The following GRIK2 variants were observed in gnomAD, a reference collection of about 807,000 sequenced individuals.
The protein encoded by GRIK2 is glutamate receptor ionotropic, kainate 2.
GRIK2 carries 32 observed loss-of-function variants against 100.3 expected under a neutral mutation model. The observed-to-expected ratio is 0.32, with a 90% CI of 0.24 to 0.43. The LOEUF (loss-of-function observed/expected upper bound fraction) is 0.43, where lower values mean the gene tolerates loss of function less well. GRIK2 is among the 20% of genes least tolerant of loss of function. The pLI, the probability that GRIK2 is intolerant of heterozygous loss-of-function variation, is 1.00. For synonymous variants in GRIK2, 417 were observed against 389.4 expected (o/e 1.07, Z -0.83); for missense variants, 843 against 1,114.9 (o/e 0.76, Z 3.47).
Position 101,503,917 on chromosome 6 carries a change from A to G in GRIK2, c.115+104525A>G, listed in dbSNP as rs78470034. On this transcript the variant is annotated intron_variant, in intron 2 of 16. Coordinates refer to ENST00000369134, the MANE Select transcript of GRIK2 (RefSeq NM_021956.5). ...AGACAAGGTAGGCTTATCTAGAAAT[A>G]CTATGTAGAGACTATCTGGAAGGTT... Among the ~76,000 whole-genome samples the G allele has an allele frequency of 2.5e-3, 388 of 152,284 alleles. 1 individual carries two copies. The highest frequency in any genetic ancestry group is 9.0e-3 in the African/African-American group (376 of 41,566).
chr6:101,922,575 T>C (rs1789625538), intron 12 of GRIK2, among the ~76,000 whole-genome samples: 1 of 152,212 alleles, frequency 6.6e-6, no homozygotes, highest in South Asian at 2.1e-4. Context: ...TTACTTGCTA[T>C]TATTGTGTCA....
intron 9 of GRIK2, among the ~76,000 whole-genome samples, chr6:101,805,645 A>C (rs1780954536): frequency 6.6e-6 from 1 of 151,990 alleles, no homozygotes; most frequent in South Asian, 2.1e-4. Flanking sequence ...TGCCCTCATG[A>C]AGGTTATAAT....
chr6:101,559,789 C>G (rs899791197), intron 2 of GRIK2, among the ~76,000 whole-genome samples: 1 of 152,078 alleles, frequency 6.6e-6, no homozygotes, highest in African/African-American at 2.4e-5. Context: ...CACCCCCACA[C>G]ATCCATATGC....
intron 2 of GRIK2, among the ~76,000 whole-genome samples, chr6:101,467,000 A>G (rs757071894): frequency 6.6e-6 from 1 of 152,192 alleles, no homozygotes; most frequent in Non-Finnish European, 1.5e-5. Flanking sequence ...GCTAATATAC[A>G]TGATAGTAGC....
At chr6:101,792,384 C>G (rs963277521) in intron 7 of GRIK2, among the ~76,000 whole-genome samples, 2 of 151,898 alleles carry the variant, frequency 1.3e-5, no homozygotes, top group African/African-American at 4.8e-5. Context: ...CCTTCAGGAG[C>G]TCTTTTAGAG....
At chr6:101,788,315 C>T (rs1162132158) in intron 7 of GRIK2, among the ~76,000 whole-genome samples, 3 of 151,856 alleles carry the variant, frequency 2.0e-5, no homozygotes, top group Non-Finnish European at 2.9e-5. Context: ...CCCATTAACT[C>T]GTCATTTAGC....
intron 2 of GRIK2, among the ~76,000 whole-genome samples, chr6:101,535,339 A>G (rs1400492916): frequency 1.3e-5 from 2 of 151,750 alleles, no homozygotes; most frequent in Admixed American, 1.3e-4. Context: ...GTACTTGTCA[A>G]CTAACAGAAT....
intron 7 of GRIK2, among the ~76,000 whole-genome samples, chr6:101,689,553 TTCTC>T (rs1428515680): frequency 6.6e-6 from 1 of 152,164 alleles, no homozygotes; most frequent in Non-Finnish European, 1.5e-5. Flanking sequence ...TGTAGTTTCT[TTCTC>T]TGCAGTCTAG....
chr6:101,513,901 A>C (rs981367661), intron 2 of GRIK2, among the ~76,000 whole-genome samples: 1 of 152,162 alleles, frequency 6.6e-6, no homozygotes, highest in Non-Finnish European at 1.5e-5. Flanking sequence ...AGATAATACA[A>C]ATGAAAGTGA....
At chr6:101,465,617 C>G (rs1006502145) in intron 2 of GRIK2, among the ~76,000 whole-genome samples, 1 of 152,070 alleles carries the variant, frequency 6.6e-6, no homozygotes, top group Admixed American at 6.6e-5. Flanking sequence ...CCCAGTAGAT[C>G]TGCGGTGAAA....
At chr6:101,859,194 G>A (rs9390790) in intron 10 of GRIK2, 93 bp from the exon 11 acceptor site, 442,316 of 637,362 alleles carry the variant, frequency 0.69, 155,571 homozygotes, top group South Asian at 0.76. Flanking sequence ...CTAAATTAAT[G>A]AGAAAATTTC....
intron 14 of GRIK2, among the ~76,000 whole-genome samples, chr6:101,939,132 A>G (rs928529894): frequency 1.2e-4 from 18 of 152,070 alleles, no homozygotes; most frequent in African/African-American, 4.3e-4. Context: ...GAATTGGGAA[A>G]CAGCATTACT....
At chr6:101,763,815 G>C (rs1777876503) in intron 7 of GRIK2, among the ~76,000 whole-genome samples, 1 of 151,742 alleles carries the variant, frequency 6.6e-6, no homozygotes, top group South Asian at 2.1e-4. Context: ...ATTTGGAAAA[G>C]AGGCCATGCG....
intron 7 of GRIK2, among the ~76,000 whole-genome samples, chr6:101,796,607 C>T (rs1780320309): frequency 6.6e-6 from 1 of 152,088 alleles, no homozygotes; most frequent in African/African-American, 2.4e-5. Flanking sequence ...GAAAGTATTT[C>T]AGAAGTTCTG....
chr6:101,875,079 A>G (rs1785727626), intron 11 of GRIK2, among the ~76,000 whole-genome samples: 2 of 151,966 alleles, frequency 1.3e-5, no homozygotes, highest in Admixed American at 6.6e-5. Context: ...CTAATTGAAT[A>G]CCTTTATTTC....
intron 10 of GRIK2, among the ~76,000 whole-genome samples, chr6:101,823,899 G>A (rs761410573): frequency 2.8e-5 from 4 of 143,130 alleles, no homozygotes; most frequent in Non-Finnish European, 4.5e-5. Flanking sequence ...ATGGAGTCTC[G>A]CTCTGTCGCC....
rs1774777805 is a variant in GRIK2 at position 101,725,228 on chromosome 6, TACCAAAAA to T, written c.951+38876_951+38883del. The stretch of plus-strand genomic sequence containing the variant: ...TTCTTTCCCTAGTTCTTGTACCTTT[TACCAAAAA>T]GTTGGATTTCCCAAGAGCAACACCA... On this transcript the variant is annotated intron_variant, in intron 7 of 16. Coordinates refer to ENST00000369134, the MANE Select transcript of GRIK2 (RefSeq NM_021956.5). Among the ~76,000 whole-genome samples the T allele has an allele frequency of 2.6e-5, 4 of 152,200 alleles. No homozygotes were observed. In the South Asian group the frequency reaches 8.3e-4, roughly 32 times the overall value.
At chr6:101,764,027 A>G (rs976400515) in intron 7 of GRIK2, among the ~76,000 whole-genome samples, 5 of 152,148 alleles carry the variant, frequency 3.3e-5, no homozygotes, top group African/African-American at 1.2e-4. Context: ...AAACTTAAAT[A>G]AGGTTTTAAA....
chr6:102,007,829 T>C (rs1366902219), intron 14 of GRIK2, among the ~76,000 whole-genome samples: 2 of 152,062 alleles, frequency 1.3e-5, no homozygotes, highest in African/African-American at 2.4e-5. Context: ...AAATAAATTA[T>C]TGGACATTTT....
Sources: gnomAD v4.1 joint callset for allele counts (sites outside exome capture counted in the v4.1 genomes callset) on GRCh38, gnomAD v4.1.1 for gene constraint, MANE v1.5 for transcripts, NCBI Gene and HGNC (gene_info 2026-07-23, HGNC 2026-07-21) for gene names.